ABCB5: variants seen among roughly 807,000 people sequenced by gnomAD.
The protein encoded by ABCB5 is ATP-binding cassette sub-family B member 5.
Under a neutral mutation model 144.2 loss-of-function variants are expected in ABCB5, and 155 were observed. The ratio of observed to expected loss-of-function variants is 1.08; its 90% CI spans 0.94 to 1.23. The LOEUF is 1.23. Among genes scored for constraint, ABCB5 ranks in the 50% most tolerant of loss-of-function variants. The pLI, the probability that ABCB5 is intolerant of heterozygous loss-of-function variation, is 0.00. For synonymous variants in ABCB5, 610 were observed against 528.6 expected (o/e 1.15, Z -2.11); for missense variants, 1,830 against 1,520.8 (o/e 1.20, Z -3.38).
intron 25 of ABCB5, among the ~76,000 whole-genome samples, chr7:20,743,829 G>A (rs939626458): frequency 6.6e-6 from 1 of 152,020 alleles, no homozygotes; most frequent in East Asian, 1.9e-4. Context: ...AGAGTTTAGG[G>A]ACTCAAGGGA....
intron 1 of ABCB5, among the ~76,000 whole-genome samples, chr7:20,621,693 A>G (rs1369192394): frequency 6.6e-6 from 1 of 152,182 alleles, no homozygotes; most frequent in Non-Finnish European, 1.5e-5. Context: ...CACGAATATA[A>G]TACAGACACA....
In ABCB5 at chr7:20,723,159, A is replaced by T. The variant is rs1562579823; in HGVS notation, c.2565A>T (p.Glu855Asp). ...TACTTGCCGTGACAGGAATGATTGAAACCGCAGCAATGACTGGATTTGCCA... is the reference window on the plus strand; with the variant it reads ...TACTTGCCGTGACAGGAATGATTGATACCGCAGCAATGACTGGATTTGCCA... Reference protein sequence around the residue: ...APVLAVTGMIETAAMTGFANK... With the variant: ...APVLAVTGMIDTAAMTGFANK... The change falls in exon 21 of 28, where the codon GAA becomes GAT. Residue 855 changes from glutamate to aspartate, a missense_variant. Transcript: ENST00000404938. 3.7e-6 allele frequency: 6 copies of T among 1,614,192 alleles called. No individual in the cohort carries two copies. Among genetic ancestry groups the T allele is most frequent in the East Asian group, 2.2e-5 (1 of 44,870 alleles).
chr7:20,711,778 CTCTT>C (rs1174731019), intron 20 of ABCB5, among the ~76,000 whole-genome samples: 1,514 of 46,996 alleles, frequency 0.032, 95 homozygotes, highest in Middle Eastern at 0.035. Flanking sequence ...TTCCTTCTTT[CTCTT>C]TCTTTCTTTC....
intron 11 of ABCB5, 105 bp from the exon 12 acceptor site, chr7:20,649,917 T>C: frequency 7.7e-7 from 1 of 1,294,864 alleles, no homozygotes; most frequent in Non-Finnish European, 1.0e-6. Flanking sequence ...AAATTTGTTT[T>C]TAGAAGAATT....
intron 13 of ABCB5, among the ~76,000 whole-genome samples, chr7:20,657,882 C>T (rs904052998): frequency 1.3e-5 from 2 of 152,136 alleles, no homozygotes; most frequent in East Asian, 1.9e-4. Flanking sequence ...GAATCAGGGA[C>T]GTAACCCAGT....
intron 26 of ABCB5, among the ~76,000 whole-genome samples, chr7:20,750,380 C>A: frequency 7.6e-6 from 1 of 132,056 alleles, no homozygotes; most frequent in Admixed American, 7.4e-5. Flanking sequence ...AAAGGCTTCC[C>A]CCTACACACA....
intron 13 of ABCB5, among the ~76,000 whole-genome samples, chr7:20,656,912 C>CTTT (rs749816471): frequency 1.0e-4 from 6 of 58,574 alleles, no homozygotes; most frequent in Non-Finnish European, 1.6e-4. Flanking sequence ...TTTCCTTTTT[C>CTTT]TTTTTTTTTT....
chr7:20,719,745 C>A (rs1781801467), intron 20 of ABCB5, among the ~76,000 whole-genome samples: 1 of 152,124 alleles, frequency 6.6e-6, no homozygotes, highest in Admixed American at 6.6e-5. Flanking sequence ...AGAGATTAAT[C>A]ACATAGATCA....
chr7:20,640,827 G>A (rs1784280766), intron 5 of ABCB5, among the ~76,000 whole-genome samples: 1 of 152,100 alleles, frequency 6.6e-6, no homozygotes, highest in Admixed American at 6.6e-5. Context: ...TTCCTCTCCC[G>A]TGTTGCTTGG....
chr7:20,629,290 G>A (rs960682164), intron 4 of ABCB5, among the ~76,000 whole-genome samples: 2 of 152,004 alleles, frequency 1.3e-5, no homozygotes, highest in African/African-American at 2.4e-5. Context: ...AGCCAATGTT[G>A]CAGTTCAAAT....
intron 25 of ABCB5, among the ~76,000 whole-genome samples, chr7:20,743,934 C>T (rs918795874): frequency 1.3e-5 from 2 of 152,248 alleles, no homozygotes; most frequent in East Asian, 3.9e-4. Flanking sequence ...TAGAACATAC[C>T]AGTCTATGCC....
intron 2 of ABCB5, among the ~76,000 whole-genome samples, chr7:20,626,010 A>G (rs751497549): frequency 7.9e-5 from 12 of 152,220 alleles, no homozygotes; most frequent in Non-Finnish European, 1.5e-4. Context: ...ACTTTATGCT[A>G]AGTGAATAAT....
chr7:20,679,494 A>C (rs1267443249), intron 14 of ABCB5, among the ~76,000 whole-genome samples: 1 of 143,214 alleles, frequency 7.0e-6, no homozygotes, highest in Non-Finnish European at 1.5e-5. Flanking sequence ...AAAGAGAGAG[A>C]GAGAGAAAGA....
intron 23 of ABCB5, 124 bp downstream of exon 23, chr7:20,728,579 C>G: frequency 1.8e-6 from 2 of 1,127,294 alleles, no homozygotes; most frequent in Non-Finnish European, 2.4e-6. Context: ...CATAATAAAA[C>G]CCCATCTCTA....
intron 4 of ABCB5, among the ~76,000 whole-genome samples, chr7:20,629,870 T>C (rs917799015): frequency 6.6e-6 from 1 of 152,156 alleles, no homozygotes. Flanking sequence ...TTTTTGGTAG[T>C]AGTTTTTAGC....
chr7:20,624,448 C>T (rs1783864800), intron 2 of ABCB5, among the ~76,000 whole-genome samples: 3 of 152,200 alleles, frequency 2.0e-5, no homozygotes, highest in African/African-American at 7.2e-5. Context: ...GCAATACCAA[C>T]AGCAAACTGC....
At chr7:20,715,661 G>A (rs1286599192) in intron 20 of ABCB5, among the ~76,000 whole-genome samples, 5 of 151,406 alleles carry the variant, frequency 3.3e-5, no homozygotes, top group African/African-American at 1.2e-4. Flanking sequence ...CCTCCCACTT[G>A]GGCCTCCCAA....
intron 24 of ABCB5, among the ~76,000 whole-genome samples, chr7:20,740,382 A>G (rs1001670024): frequency 3.3e-5 from 5 of 152,200 alleles, no homozygotes; most frequent in African/African-American, 1.2e-4. Context: ...ACTTATAATT[A>G]TTTCCCTCTA....
At chr7:20,713,496 A>G (rs1781568280) in intron 20 of ABCB5, among the ~76,000 whole-genome samples, 1 of 149,612 alleles carries the variant, frequency 6.7e-6, no homozygotes, top group Non-Finnish European at 1.5e-5. Flanking sequence ...TTAGCCTCCC[A>G]AAGTGCTGGG....
Sources: allele counts gnomAD v4.1 joint callset (sites outside exome capture counted in the v4.1 genomes callset), GRCh38; gene constraint gnomAD v4.1.1; transcripts MANE v1.5; gene names NCBI Gene and HGNC (gene_info 2026-07-23, HGNC 2026-07-21).